PMM2: variants seen among roughly 807,000 people sequenced by gnomAD.
PMM2 encodes mannose-6-phosphate isomerase.
In PMM2, 35 loss-of-function variants were observed where a neutral mutation model predicts 33.2. The ratio of observed to expected loss-of-function variants is 1.06; its 90% CI spans 0.81 to 1.40. The LOEUF (loss-of-function observed/expected upper bound fraction) is 1.40. Ranked by LOEUF, PMM2 falls within the 40% of genes most tolerant of loss-of-function variation. PMM2 has a pLI of 0.00. For missense variants in PMM2, 386 were observed against 306.0 expected (o/e 1.26, Z -1.95); for synonymous variants, 153 against 114.7 (o/e 1.33, Z -2.13).
rs985689877 is a variant in PMM2 at position 8,832,871 on chromosome 16, C to A, written c.640-14853C>A. ...ACATGGCCTGTGCCCTCACGTCCCTCAGATGCCAGGGTTCCCTCACCCTCC... is the reference window on the plus strand; with the variant it reads ...ACATGGCCTGTGCCCTCACGTCCCTAAGATGCCAGGGTTCCCTCACCCTCC... On this transcript the variant is annotated intron_variant, in intron 7 of 7. Coordinates refer to ENST00000268261, the MANE Select transcript of PMM2 (RefSeq NM_000303.3). 4.1e-6 allele frequency: 4 copies of A among 985,352 alleles called. No individual in the cohort carries two copies. In the African/African-American group the frequency reaches 7.0e-5, roughly 17 times the overall value. The allele number at this position is 985,352 out of a possible 1,614,324, so 61.0% of individuals were successfully genotyped here.
intron 7 of PMM2, among the ~76,000 whole-genome samples, chr16:8,839,124 G>C (rs564974341): frequency 6.6e-6 from 1 of 152,028 alleles, no homozygotes; most frequent in East Asian, 1.9e-4. Context: ...GTCCTAAACC[G>C]ACCATCAAGG....
At chr16:8,830,818 G>A (rs2141037045) in intron 7 of PMM2, among the ~76,000 whole-genome samples, 1 of 152,288 alleles carries the variant, frequency 6.6e-6, no homozygotes, top group South Asian at 2.1e-4. Context: ...GTTTATTTCA[G>A]GAAAGAGCTG....
At chr16:8,802,504 C>T in intron 2 of PMM2, 1 of 302,860 alleles carries the variant, frequency 3.3e-6, no homozygotes, top group South Asian at 2.9e-5. Flanking sequence ...TATTCATCTC[C>T]ATAGCCACAG....
intron 7 of PMM2, 190 bp from the exon 8 acceptor site, chr16:8,847,534 G>A: frequency 1.6e-6 from 1 of 606,508 alleles, no homozygotes; most frequent in East Asian, 2.9e-5. Flanking sequence ...TCAAGAGAAG[G>A]TTATAAATCT....
intron 2 of PMM2, among the ~76,000 whole-genome samples, chr16:8,804,433 C>T (rs2060634893): frequency 6.6e-6 from 1 of 152,122 alleles, no homozygotes. Context: ...TCTGCATTTT[C>T]ACACTGCCCT....
chr16:8,821,469 T>A (rs559554115), intron 7 of PMM2, among the ~76,000 whole-genome samples: 2 of 152,324 alleles, frequency 1.3e-5, no homozygotes, highest in African/African-American at 4.8e-5. Flanking sequence ...CCTGCCTGTG[T>A]CTGTGCTGAA....
rs758340382 is a variant in PMM2 at position 8,797,943 on chromosome 16, C to G, written c.61C>G (p.Arg21Gly). Reference sequence around the variant, plus strand: ...CGTGGATGGGACCCTCACCGCCCCGCGGCAGGTAAGTGGCGGCCGGCGGGC... The same window carrying G: ...CGTGGATGGGACCCTCACCGCCCCGGGGCAGGTAAGTGGCGGCCGGCGGGC... The part of the protein sequence containing the change: ...FDVDGTLTAP[R>G]QKITKEMDDF... The change falls in exon 1 of 8, where the codon CGG (arginine) becomes GGG (glycine). Residue 21 changes from arginine (R) to glycine (G), a missense_variant. Coordinates refer to ENST00000268261, the MANE Select transcript of PMM2 (RefSeq NM_000303.3). 1.6e-5 allele frequency: 25 copies of G among 1,605,426 alleles called. No individual in the cohort carries two copies. Among genetic ancestry groups the G allele is most frequent in the Non-Finnish European group, 2.0e-5 (23 of 1,176,758 alleles).
intron 7 of PMM2, among the ~76,000 whole-genome samples, chr16:8,815,159 T>C (rs1182322335): frequency 1.3e-5 from 2 of 152,194 alleles, no homozygotes; most frequent in African/African-American, 2.4e-5. Context: ...AAATGGCAAG[T>C]TTCCTTATTT....
chr16:8,814,223 C>T (rs28579397), intron 7 of PMM2, among the ~76,000 whole-genome samples: 249 of 152,212 alleles, frequency 1.6e-3, no homozygotes, highest in African/African-American at 5.7e-3. Flanking sequence ...AATCTGCCTG[C>T]CTCAGCGATC....
chr16:8,797,868 C>T lies in PMM2; in HGVS notation c.-15C>T, dbSNP rs202199014. The T allele has an allele frequency of 1.5e-5, 24 of 1,610,658 alleles. No individual in the cohort carries two copies. Among genetic ancestry groups the T allele is most frequent in the Non-Finnish European group, 1.9e-5 (22 of 1,178,858 alleles). Reference sequence around the variant, plus strand: ...TGCCAACGTGTCTTGTAAGGTGCGGCTAGAAACTGGGGACATGGCAGCGCC... The same window carrying T: ...TGCCAACGTGTCTTGTAAGGTGCGGTTAGAAACTGGGGACATGGCAGCGCC... On this transcript the variant is annotated 5_prime_UTR_variant, in exon 1 of 8. Coordinates refer to ENST00000268261, the MANE Select transcript of PMM2 (RefSeq NM_000303.3).
chr16:8,811,080 G>A lies in PMM2; in HGVS notation c.349G>A (p.Gly117Ser). Residue 117 changes from glycine to serine, a missense_variant and splice_region_variant, in exon 5 of 8, where the codon GGT becomes AGT. Physicochemically the swap from Gly to Ser is moderately conservative, Grantham distance 56 (BLOSUM62 0). Transcript: ENST00000268261. ...IAKIKLPKKRGTFIEFRNGML... is the reference protein window; with the variant it reads ...IAKIKLPKKRSTFIEFRNGML... ...ACTCTGTCACCCTTTCATTCCCAGG[G>A]GTACTTTCATTGAATTCCGAAATGG... is the stretch of plus-strand genomic sequence containing the variant. 2 of 1,547,822 alleles carry A rather than the reference G, an allele frequency of 1.3e-6. No homozygotes were observed. Among genetic ancestry groups the A allele is most frequent in the Non-Finnish European group, 1.8e-6 (2 of 1,137,246 alleles).
chr16:8,835,725 A>G (rs1332002724), intron 7 of PMM2, among the ~76,000 whole-genome samples: 2 of 152,032 alleles, frequency 1.3e-5, no homozygotes, highest in Non-Finnish European at 2.9e-5. Context: ...GTAGCAGGCG[A>G]GTGATAACAG....
intron 7 of PMM2, among the ~76,000 whole-genome samples, chr16:8,821,494 G>A (rs1258174878): frequency 6.6e-6 from 1 of 152,176 alleles, no homozygotes; most frequent in East Asian, 1.9e-4. Flanking sequence ...TTTCATTCAG[G>A]GAGACACTGG....
intron 7 of PMM2, among the ~76,000 whole-genome samples, chr16:8,823,452 CT>C (rs1254874856): frequency 6.6e-6 from 1 of 152,156 alleles, no homozygotes; most frequent in Non-Finnish European, 1.5e-5. Context: ...TTTTGAAACA[CT>C]TTTTTCCCTC....
rs377346718 is a variant in PMM2, at chr16:8,831,935, C to T, written c.640-15789C>T. ...TCTTCCCTCCCCCCTTCCCTCCCTT[C>T]TCCAGGGAACAGGGTTTTTGTTCTT... On this transcript the variant is annotated intron_variant, in intron 7 of 7. Coordinates refer to ENST00000268261, the MANE Select transcript of PMM2 (RefSeq NM_000303.3). 1.4e-4 allele frequency among the ~76,000 whole-genome samples: 22 copies of T among 152,288 alleles called. No individual in the cohort carries two copies. In the South Asian group the frequency reaches 2.3e-3, roughly 16 times the overall value.
At chr16:8,807,424 A>T (rs988708423) in intron 4 of PMM2, 1 of 152,160 alleles carries the variant, frequency 6.6e-6, no homozygotes, top group East Asian at 1.9e-4. Flanking sequence ...CACCTGACTC[A>T]TGGACATTTG....
At chr16:8,837,628 A>T (rs1286594478) in intron 7 of PMM2, among the ~76,000 whole-genome samples, 1 of 151,556 alleles carries the variant, frequency 6.6e-6, no homozygotes, top group Non-Finnish European at 1.5e-5. Context: ...GAAATAAGGG[A>T]TCGGGGCGCA....
intron 7 of PMM2, chr16:8,842,372 T>C (rs978010014): frequency 1.3e-5 from 2 of 152,110 alleles, no homozygotes; most frequent in Non-Finnish European, 2.9e-5. Flanking sequence ...ATCAATATAT[T>C]AAATAAGGTG....
chr16:8,826,343 C>G (rs186069009), intron 7 of PMM2, among the ~76,000 whole-genome samples: 1 of 151,984 alleles, frequency 6.6e-6, no homozygotes, highest in Admixed American at 6.6e-5. Flanking sequence ...TAATTACATA[C>G]CAAGTGCAGA....
Sources: gnomAD v4.1 joint callset for allele counts (sites outside exome capture counted in the v4.1 genomes callset) on GRCh38, gnomAD v4.1.1 for gene constraint, MANE v1.5 for transcripts, NCBI Gene and HGNC (gene_info 2026-07-23, HGNC 2026-07-21) for gene names.